CHN2: variants seen among roughly 807,000 people sequenced by gnomAD.
CHN2 encodes chimerin 2, also known as beta-chimaerin.
In CHN2, 35 loss-of-function variants were observed where a neutral mutation model predicts 56.3. The observed-to-expected ratio is 0.62, with a 90% confidence interval of 0.47 to 0.82. The LOEUF (loss-of-function observed/expected upper bound fraction) is 0.82, where lower values mean the gene tolerates loss of function less well. CHN2 is among the 40% of genes least tolerant of loss of function. The probability of loss-of-function intolerance (pLI) is 0.00; values close to 1 mark genes in which losing one functional copy is unlikely to be tolerated. For synonymous variants in CHN2, 210 were observed against 212.8 expected (o/e 0.99, Z 0.12); for missense variants, 491 against 580.5 (o/e 0.85, Z 1.58).
intron 6 of CHN2, among the ~76,000 whole-genome samples, chr7:29,465,641 A>T (rs1375495935): frequency 2.6e-5 from 4 of 152,208 alleles, no homozygotes; most frequent in Non-Finnish European, 5.9e-5. Context: ...AATTCTTAGC[A>T]AACAAAAACT....
intron 1 of CHN2, among the ~76,000 whole-genome samples, chr7:29,306,051 C>T (rs1054527743): frequency 5.9e-5 from 9 of 152,090 alleles, no homozygotes; most frequent in African/African-American, 2.2e-4. Context: ...AATGCACAAT[C>T]GTTGTCAGAC....
chr7:29,222,824 A>T (rs1785908945), intron 1 of CHN2, among the ~76,000 whole-genome samples: 1 of 152,206 alleles, frequency 6.6e-6, no homozygotes, highest in Admixed American at 6.5e-5. Context: ...AAACATGGAG[A>T]ACTTATGTTG....
intron 6 of CHN2, among the ~76,000 whole-genome samples, chr7:29,435,729 G>A (rs759668786): frequency 5.9e-5 from 9 of 152,180 alleles, no homozygotes; most frequent in Non-Finnish European, 1.3e-4. Flanking sequence ...AGCCCTCCAG[G>A]TAACTCTGAT....
chr7:29,310,848 C>T (rs1208508034), intron 1 of CHN2, among the ~76,000 whole-genome samples: 2 of 152,146 alleles, frequency 1.3e-5, no homozygotes, highest in Non-Finnish European at 2.9e-5. Context: ...CCCAAAAGCC[C>T]CTCCTTCTGA....
At position 29,233,708 on chromosome 7, in the gene CHN2, T is replaced by TGAA. The variant is rs555592800; in HGVS notation, c.49+38721_49+38723dup. ...AGACTCAACGGGCCATTGCTGGCCC[T>TGAA]GAAGATGCAAGGAGACCACCAGCCC... On this transcript the variant is annotated intron_variant, in intron 1 of 12. Coordinates refer to ENST00000222792, the MANE Select transcript of CHN2 (RefSeq NM_004067.4). Among the ~76,000 whole-genome samples, 638 of 151,884 alleles carry TGAA rather than the reference T, an allele frequency of 4.2e-3. 5 individuals carry two copies. The highest frequency in any genetic ancestry group is 0.014 in the African/African-American group (589 of 41,368).
chr7:29,322,208 T>C (rs1483314224), intron 1 of CHN2, among the ~76,000 whole-genome samples: 1 of 152,168 alleles, frequency 6.6e-6, no homozygotes, highest in Non-Finnish European at 1.5e-5. Context: ...TCCTAAAGGC[T>C]CTGTTTGTCT....
intron 1 of CHN2, among the ~76,000 whole-genome samples, chr7:29,245,610 A>G (rs1584852423): frequency 6.6e-6 from 1 of 152,172 alleles, no homozygotes; most frequent in African/African-American, 2.4e-5. Flanking sequence ...TATCATCACT[A>G]TTTTACCAAT....
intron 1 of CHN2, among the ~76,000 whole-genome samples, chr7:29,311,902 AG>A (rs1355191784): frequency 6.6e-6 from 1 of 152,198 alleles, no homozygotes; most frequent in African/African-American, 2.4e-5. Flanking sequence ...ATAATGGAGG[AG>A]GGGGGTGACT....
chr7:29,272,099 C>T (rs1320853226), intron 1 of CHN2, among the ~76,000 whole-genome samples: 1 of 152,098 alleles, frequency 6.6e-6, no homozygotes, highest in Non-Finnish European at 1.5e-5. Flanking sequence ...TTGGTGTTGC[C>T]GTGACTTTCA....
intron 4 of CHN2, 22 bp from the exon 5 acceptor site, chr7:29,398,351 A>G: frequency 1.3e-6 from 2 of 1,548,100 alleles, no homozygotes; most frequent in Non-Finnish European, 8.9e-7. Context: ...TGTTCAGAGC[A>G]TTGATGGTCT....
intron 6 of CHN2, among the ~76,000 whole-genome samples, chr7:29,401,752 G>A (rs553878066): frequency 2.6e-5 from 4 of 152,210 alleles, no homozygotes; most frequent in East Asian, 1.9e-4. Context: ...ATGCAGGCGG[G>A]GGGTAGATTG....
intron 2 of CHN2, among the ~76,000 whole-genome samples, chr7:29,181,989 C>T (rs1798113618): frequency 6.6e-6 from 1 of 152,158 alleles, no homozygotes; most frequent in Non-Finnish European, 1.5e-5. Context: ...ATAAGCAAAA[C>T]ATCTTAAATA....
intron 2 of CHN2, among the ~76,000 whole-genome samples, chr7:29,184,969 C>T (rs1798532010): frequency 6.6e-6 from 1 of 152,168 alleles, no homozygotes. Context: ...TCTGTTGCTG[C>T]CACCATTGAG....
rs1210958804 is a variant in CHN2 at position 29,510,862 on chromosome 7, G to C, written c.1235+1456G>C. 5.9e-5 allele frequency among the ~76,000 whole-genome samples: 9 copies of C among 152,176 alleles called. No homozygotes were observed. The South Asian group carries it at 1.0e-3, about 18-fold the overall frequency. Reference sequence around the variant, plus strand: ...GTACCTGCCACACACACAGCTGTCTGCGTGAGTGTGTGGGAGACAGAGATG... The same window carrying C: ...GTACCTGCCACACACACAGCTGTCTCCGTGAGTGTGTGGGAGACAGAGATG... On this transcript the variant is annotated intron_variant, in intron 12 of 12. Coordinates refer to ENST00000222792, the MANE Select transcript of CHN2 (RefSeq NM_004067.4).
At chr7:29,352,350 C>CATGTGTGT (rs1194707325) in intron 1 of CHN2, among the ~76,000 whole-genome samples, 1 of 149,862 alleles carries the variant, frequency 6.7e-6, no homozygotes, top group African/African-American at 2.5e-5. Context: ...TGCAGTCTGT[C>CATGTGTGT]GTGTGTGTGT....
chr7:29,489,549 T>C (rs1192650258), intron 7 of CHN2, among the ~76,000 whole-genome samples: 1 of 152,218 alleles, frequency 6.6e-6, no homozygotes, highest in East Asian at 1.9e-4. Context: ...GTCTAGAGAT[T>C]GTCCTTGTGG....
At chr7:29,294,569 CAGAG>C (rs1054039958) in intron 1 of CHN2, among the ~76,000 whole-genome samples, 8 of 152,122 alleles carry the variant, frequency 5.3e-5, no homozygotes, top group African/African-American at 1.9e-4. Context: ...AGGACAGAAA[CAGAG>C]AGAAGCAGCT....
chr7:29,279,089 C>T (rs1279597117), intron 1 of CHN2, among the ~76,000 whole-genome samples: 2 of 152,096 alleles, frequency 1.3e-5, no homozygotes, highest in Non-Finnish European at 2.9e-5. Flanking sequence ...GCGGCAGCAT[C>T]GTTTTCACCC....
chr7:29,179,877 T>G (rs1797843139), intron 2 of CHN2, among the ~76,000 whole-genome samples: 1 of 152,196 alleles, frequency 6.6e-6, no homozygotes, highest in Admixed American at 6.5e-5. Context: ...GCAAATCAAC[T>G]TAAGTATTAC....
Sources: gnomAD v4.1 joint callset for allele counts (sites outside exome capture counted in the v4.1 genomes callset) on GRCh38, gnomAD v4.1.1 for gene constraint, MANE v1.5 for transcripts, NCBI Gene and HGNC (gene_info 2026-07-23, HGNC 2026-07-21) for gene names.